STK33: variants seen among roughly 807,000 people sequenced by gnomAD.
STK33 encodes the protein serine/threonine-protein kinase 33.
Under a neutral mutation model 58.0 loss-of-function variants are expected in STK33, and 52 were observed. That is an observed-to-expected ratio of 0.90 (90% confidence interval 0.72 to 1.13). The LOEUF (loss-of-function observed/expected upper bound fraction) is 1.13, where lower values mean the gene tolerates loss of function less well. Among genes scored for constraint, STK33 ranks in the 50% most tolerant of loss-of-function variants. The pLI, the probability that STK33 is intolerant of heterozygous loss-of-function variation, is 0.00. For synonymous variants in STK33, 215 were observed against 200.1 expected (o/e 1.07, Z -0.63); for missense variants, 630 against 604.2 (o/e 1.04, Z -0.45).
intron 1 of STK33, among the ~76,000 whole-genome samples, chr11:8,562,575 T>C (rs1957185926): frequency 6.6e-6 from 1 of 152,180 alleles, no homozygotes; most frequent in Non-Finnish European, 1.5e-5. Flanking sequence ...TAGATTCTAG[T>C]CCATAGCTAG....
At chr11:8,447,567 C>T (rs1421777106) in intron 11 of STK33, among the ~76,000 whole-genome samples, 2 of 152,098 alleles carry the variant, frequency 1.3e-5, no homozygotes, top group African/African-American at 4.8e-5. Context: ...GCAGAAAAGG[C>T]CTTTGACAAA....
At chr11:8,521,611 C>A (rs948770642) in intron 1 of STK33, among the ~76,000 whole-genome samples, 2 of 152,070 alleles carry the variant, frequency 1.3e-5, no homozygotes, top group African/African-American at 4.8e-5. Context: ...GCAACAAAAG[C>A]CAAAATTGAC....
Position 8,449,179 on chromosome 11 carries a change from T to G in STK33, c.871+3643A>C, listed in dbSNP as rs577318343. 1.1e-3 allele frequency among the ~76,000 whole-genome samples: 165 copies of G among 151,726 alleles called. 8 individuals are homozygous for G. Among genetic ancestry groups the G allele is most frequent in the African/African-American group, 3.8e-3 (155 of 41,024 alleles). Reference sequence around the variant, plus strand: ...GAGAAATAGGAACACTTTTACACTGTTGGTGGGACTGTAAACTAGTTCAAC... The same window carrying G: ...GAGAAATAGGAACACTTTTACACTGGTGGTGGGACTGTAAACTAGTTCAAC... On this transcript the variant is annotated intron_variant, in intron 11 of 15. Transcript: ENST00000687296.
chr11:8,359,069 C>T, the STK33 span, among the ~76,000 whole-genome samples: 1 of 152,168 alleles, frequency 6.6e-6, no homozygotes, highest in Non-Finnish European at 1.5e-5. Flanking sequence ...GAGGGACAGC[C>T]TGTCCAATAC....
intron 1 of STK33, among the ~76,000 whole-genome samples, chr11:8,571,543 T>A (rs1957806409): frequency 6.6e-6 from 1 of 152,142 alleles, no homozygotes; most frequent in Non-Finnish European, 1.5e-5. Flanking sequence ...TTAAAAATGG[T>A]TAAAATGGGG....
In STK33 at chr11:8,474,713, T is replaced by C; in HGVS notation, c.193A>G (p.Ile65Val). 1 of 1,611,936 alleles carries C rather than the reference T, an allele frequency of 6.2e-7. No homozygotes were observed. The highest frequency in any genetic ancestry group is 2.2e-5 in the East Asian group (1 of 44,858). Residue 65 changes from isoleucine (I) to valine (V), a missense_variant, in exon 5 of 16, where the codon ATC becomes GTC. Transcript: ENST00000687296. ...TTCCTGGAGGTTATATCTCTGTTGATATTTTTTTCTTTTTTTCTCTCCAGT... is the reference window on the plus strand; with the variant it reads ...TTCCTGGAGGTTATATCTCTGTTGACATTTTTTTCTTTTTTTCTCTCCAGT... ...ISLERKKEKN[I>V]NRDITSRKDL...
intron 15 of STK33, among the ~76,000 whole-genome samples, chr11:8,396,338 T>G (rs1445700570): frequency 6.6e-6 from 1 of 152,240 alleles, no homozygotes; most frequent in Non-Finnish European, 1.5e-5. Flanking sequence ...TGCAAATGTT[T>G]ATGCTTCTGT....
chr11:8,484,123 C>A (rs1950040919), intron 1 of STK33, among the ~76,000 whole-genome samples: 1 of 152,118 alleles, frequency 6.6e-6, no homozygotes, highest in Non-Finnish European at 1.5e-5. Context: ...GTAGAAAGAA[C>A]CCAAGCTTTA....
At chr11:8,479,921 T>G (rs762270978) in intron 2 of STK33, among the ~76,000 whole-genome samples, 1 of 152,064 alleles carries the variant, frequency 6.6e-6, no homozygotes, top group Non-Finnish European at 1.5e-5. Context: ...TTATACATAA[T>G]AGGCACTCAA....
intron 6 of STK33, among the ~76,000 whole-genome samples, chr11:8,469,674 G>C (rs563254896): frequency 6.8e-4 from 103 of 152,270 alleles, no homozygotes; most frequent in African/African-American, 2.3e-3. Flanking sequence ...ATCTGTGGCA[G>C]ATATAACCTT....
chr11:8,419,319 C>T (rs1308487546), intron 14 of STK33, among the ~76,000 whole-genome samples: 3 of 152,186 alleles, frequency 2.0e-5, no homozygotes, highest in Non-Finnish European at 2.9e-5. Context: ...GTTATCCCAG[C>T]ACCATTTATC....
intron 2 of STK33, among the ~76,000 whole-genome samples, chr11:8,478,610 A>C (rs1356089633): frequency 6.6e-6 from 1 of 152,236 alleles, no homozygotes; most frequent in African/African-American, 2.4e-5. Context: ...AATGAACACA[A>C]GAATGGTTTT....
chr11:8,540,946 A>G (rs1471790519), intron 1 of STK33, among the ~76,000 whole-genome samples: 1 of 150,280 alleles, frequency 6.7e-6, no homozygotes, highest in African/African-American at 2.5e-5. Context: ...AATCGGCTTC[A>G]CTATACTACC....
chr11:8,462,873 A>G (rs1179051817), intron 7 of STK33, among the ~76,000 whole-genome samples: 2 of 152,140 alleles, frequency 1.3e-5, no homozygotes, highest in Non-Finnish European at 2.9e-5. Flanking sequence ...TCATTATTTG[A>G]GGATAAGCAT....
intron 1 of STK33, among the ~76,000 whole-genome samples, chr11:8,503,734 C>T (rs1951679414): frequency 6.6e-6 from 1 of 152,124 alleles, no homozygotes; most frequent in African/African-American, 2.4e-5. Flanking sequence ...CTCTTTCTTC[C>T]TTGGGTGGGA....
intron 1 of STK33, among the ~76,000 whole-genome samples, chr11:8,575,906 G>A (rs1958148974): frequency 6.6e-6 from 1 of 152,078 alleles, no homozygotes; most frequent in South Asian, 2.1e-4. Context: ...AGAAGACTGG[G>A]AGAGACTAAA....
At chr11:8,453,724 T>G (rs1420028821) in intron 10 of STK33, among the ~76,000 whole-genome samples, 1 of 152,204 alleles carries the variant, frequency 6.6e-6, no homozygotes, top group Non-Finnish European at 1.5e-5. Context: ...TATAGGCTCT[T>G]TGTCCAGAGA....
At chr11:8,367,601 T>G in the STK33 span, among the ~76,000 whole-genome samples, 1 of 152,040 alleles carries the variant, frequency 6.6e-6, no homozygotes, top group African/African-American at 2.4e-5. Context: ...GGGAAAGGGG[T>G]TCCAGACTAA....
At chr11:8,567,768 C>A (rs1325244810) in intron 1 of STK33, among the ~76,000 whole-genome samples, 2 of 152,168 alleles carry the variant, frequency 1.3e-5, no homozygotes, top group African/African-American at 4.8e-5. Flanking sequence ...TGGGTCTTTC[C>A]AGGCTTTGAA....
Sources: gnomAD v4.1 joint callset for allele counts (sites outside exome capture counted in the v4.1 genomes callset) on GRCh38, gnomAD v4.1.1 for gene constraint, MANE v1.5 for transcripts, NCBI Gene and HGNC (gene_info 2026-07-23, HGNC 2026-07-21) for gene names.